Variants in NHSL1 observed in about 807,000 individuals in gnomAD.
NHSL1 encodes NHS like 1.
Under a neutral mutation model 95.0 loss-of-function variants are expected in NHSL1, and 48 were observed. That is an observed-to-expected ratio of 0.51 (90% CI 0.40 to 0.64). The LOEUF (loss-of-function observed/expected upper bound fraction) is 0.64, where lower values mean the gene tolerates loss of function less well. NHSL1 is among the 30% of genes least tolerant of loss of function. The pLI is 0.00. For synonymous variants in NHSL1, 783 were observed against 833.9 expected, an observed-to-expected ratio of 0.94 and a Z score of 1.05; for missense variants, 1,971 against 2,077.7, an observed-to-expected ratio of 0.95 and a Z score of 1.00.
At chr6:138,476,638 C>A (rs1276722907) in intron 2 of NHSL1, among the ~76,000 whole-genome samples, 2 of 151,760 alleles carry the variant, frequency 1.3e-5, no homozygotes, top group Non-Finnish European at 2.9e-5. Context: ...ACCAGCCTGG[C>A]CAACACAGAA....
chr6:138,592,202 A>C (rs1583438348), intron 1 of NHSL1, among the ~76,000 whole-genome samples: 1 of 152,320 alleles, frequency 6.6e-6, no homozygotes, highest in East Asian at 1.9e-4. Context: ...GTAATTTCTA[A>C]TAGGTCCCAC....
chr6:138,445,596 G>T (rs891430135), intron 4 of NHSL1, among the ~76,000 whole-genome samples: 7 of 152,138 alleles, frequency 4.6e-5, no homozygotes, highest in East Asian at 1.9e-4. Context: ...AATTTCTATG[G>T]AATTTAAAAT....
chr6:138,538,588 C>T (rs764079044), intron 1 of NHSL1, among the ~76,000 whole-genome samples: 1 of 152,140 alleles, frequency 6.6e-6, no homozygotes, highest in Non-Finnish European at 1.5e-5. Context: ...TTCGCGCCCT[C>T]GAGAGAGCAG....
At chr6:138,480,017 T>C (rs991974688) in intron 2 of NHSL1, among the ~76,000 whole-genome samples, 8 of 152,168 alleles carry the variant, frequency 5.3e-5, no homozygotes, top group Admixed American at 2.6e-4. Flanking sequence ...GATGGGATTG[T>C]TTTTCTATTT....
intron 3 of NHSL1, among the ~76,000 whole-genome samples, chr6:138,465,487 T>C (rs1778300850): frequency 6.6e-6 from 1 of 152,178 alleles, no homozygotes; most frequent in African/African-American, 2.4e-5. Flanking sequence ...TCTTCTTACA[T>C]ACTTTACCCT....
chr6:138,516,798 T>C (rs1278303025), intron 1 of NHSL1, among the ~76,000 whole-genome samples: 1 of 151,948 alleles, frequency 6.6e-6, no homozygotes, highest in Non-Finnish European at 1.5e-5. Flanking sequence ...CCATGCCCGG[T>C]TAATCTTTGT....
chr6:138,678,346 G>A (rs1785473374), intron 1 of NHSL1, among the ~76,000 whole-genome samples: 1 of 152,160 alleles, frequency 6.6e-6, no homozygotes, highest in African/African-American at 2.4e-5. Context: ...GAGACTAGAT[G>A]ACCTTTCATC....
intron 5 of NHSL1, among the ~76,000 whole-genome samples, chr6:138,437,867 G>C (rs1352542895): frequency 1.3e-5 from 2 of 152,214 alleles, no homozygotes; most frequent in Non-Finnish European, 2.9e-5. Context: ...GGAGCCTGAA[G>C]ATGTGGCTGA....
chr6:138,572,925 T>C (rs1583427623), upstream of NHSL1, among the ~76,000 whole-genome samples: 1 of 151,756 alleles, frequency 6.6e-6, no homozygotes, highest in South Asian at 2.1e-4. Context: ...GGAATGTCCA[T>C]CATTTAAGGA....
intron 1 of NHSL1, among the ~76,000 whole-genome samples, chr6:138,620,916 AGAG>A (rs1784646970): frequency 6.6e-6 from 1 of 152,190 alleles, no homozygotes; most frequent in South Asian, 2.1e-4. Context: ...GAGTAAAGAG[AGAG>A]CAATTCCACC....
intron 1 of NHSL1, among the ~76,000 whole-genome samples, chr6:138,676,806 C>T (rs111649201): frequency 2.2e-4 from 34 of 152,174 alleles, no homozygotes; most frequent in African/African-American, 8.0e-4. Flanking sequence ...AGGAACATGC[C>T]ACTACACCTG....
intron 1 of NHSL1, among the ~76,000 whole-genome samples, chr6:138,648,351 T>TAAA (rs1785046426): frequency 9.5e-6 from 1 of 105,352 alleles, no homozygotes; most frequent in African/African-American, 5.4e-5. Context: ...TTACGGACAC[T>TAAA]GAAAAAAAAA....
chr6:138,692,609 G>A (rs2114815359), upstream of NHSL1: 1 of 179,806 alleles, frequency 5.6e-6, no homozygotes, highest in South Asian at 1.0e-4. This position sits in a 1 kb window ranked among gnomAD's most constrained non-coding sequence, Gnocchi z 4.0. Flanking sequence ...CCCCGGCGCA[G>A]CGCGACAGGT....
chr6:138,496,904 A>T (rs1031185455), intron 1 of NHSL1, among the ~76,000 whole-genome samples: 9 of 152,248 alleles, frequency 5.9e-5, no homozygotes, highest in African/African-American at 2.2e-4. Flanking sequence ...GTAAACATTC[A>T]ATTTACATGT....
At chr6:138,667,568 G>A (rs1785311621) in intron 1 of NHSL1, among the ~76,000 whole-genome samples, 1 of 152,126 alleles carries the variant, frequency 6.6e-6, no homozygotes, top group Non-Finnish European at 1.5e-5. Flanking sequence ...ATTCTAAAGA[G>A]GAAAAGAAAA....
At chr6:138,468,737 T>G (rs954975749) in intron 3 of NHSL1, among the ~76,000 whole-genome samples, 1 of 152,200 alleles carries the variant, frequency 6.6e-6, no homozygotes, top group Admixed American at 6.5e-5. Context: ...AGGTGTGTAG[T>G]AGGCTGTACC....
chr6:138,444,462 C>T (rs556801987), intron 4 of NHSL1, among the ~76,000 whole-genome samples: 8 of 151,978 alleles, frequency 5.3e-5, no homozygotes, highest in Non-Finnish European at 8.8e-5. Flanking sequence ...TAGAACATGC[C>T]GAGTGCCCAC....
intron 4 of NHSL1, among the ~76,000 whole-genome samples, chr6:138,442,961 A>C (rs897954618): frequency 8.5e-5 from 13 of 152,174 alleles, no homozygotes; most frequent in Non-Finnish European, 1.9e-4. Context: ...GCCAGTTTAA[A>C]GTCTTACAGC....
intron 1 of NHSL1, among the ~76,000 whole-genome samples, chr6:138,623,424 T>C (rs373793044): frequency 2.6e-5 from 4 of 152,212 alleles, no homozygotes; most frequent in Non-Finnish European, 4.4e-5. Flanking sequence ...AAGTTATATA[T>C]ATTTATGGTG....
Sources: allele counts gnomAD v4.1 joint callset (sites outside exome capture counted in the v4.1 genomes callset), GRCh38; gene constraint gnomAD v4.1.1; non-coding constraint Gnocchi (gnomAD v3.1); transcripts MANE v1.5; gene names NCBI Gene and HGNC (gene_info 2026-07-23, HGNC 2026-07-21).